The following CCDC146 variants were observed in gnomAD, a reference collection of about 807,000 sequenced individuals.
CCDC146 encodes the protein coiled-coil domain-containing protein 146.
Under a neutral mutation model 119.3 loss-of-function variants are expected in CCDC146, and 92 were observed. The observed-to-expected ratio is 0.77, with a 90% confidence interval of 0.65 to 0.92. The LOEUF (loss-of-function observed/expected upper bound fraction) is 0.92. Among genes scored for constraint, CCDC146 ranks in the 40% least tolerant of loss-of-function variants. The probability of loss-of-function intolerance (pLI) is 0.00; values close to 1 mark genes in which losing one functional copy is unlikely to be tolerated. For synonymous variants in CCDC146, 372 were observed against 371.8 expected (o/e 1.00, Z -0.01); for missense variants, 1,000 against 1,103.0 (o/e 0.91, Z 1.32).
intron 9 of CCDC146, among the ~76,000 whole-genome samples, chr7:77,266,170 A>G (rs1793399078): frequency 6.6e-6 from 1 of 152,222 alleles, no homozygotes. Flanking sequence ...CTTTCTAAAC[A>G]TAAGATCATG....
intron 18 of CCDC146, among the ~76,000 whole-genome samples, 200 bp from the exon 19 acceptor site, chr7:77,294,463 G>GGTAGGTGTGTGTGTGT (rs1554364032): frequency 8.2e-5 from 11 of 134,232 alleles, no homozygotes; most frequent in African/African-American, 2.8e-4. Context: ...ATGAGAGGTA[G>GGTAGGTGTGTGTGTGT]GTGTGTGTGT....
At chr7:77,202,820 G>T (rs1271551063) in intron 2 of CCDC146, among the ~76,000 whole-genome samples, 1 of 152,150 alleles carries the variant, frequency 6.6e-6, no homozygotes, top group Non-Finnish European at 1.5e-5. Context: ...ACAGTTTTCA[G>T]TTTCTGTTTT....
In CCDC146 at chr7:77,282,561, G is replaced by C. The variant is rs141323382; in HGVS notation, c.1924G>C (p.Val642Leu). 6.2e-7 allele frequency: 1 copy of C among 1,600,838 alleles called. No individual in the cohort carries two copies. The highest frequency in any genetic ancestry group is 8.5e-7 in the Non-Finnish European group (1 of 1,172,954). Residue 642 changes from valine (V) to leucine (L), a missense_variant, in exon 15 of 19, where the codon GTT (valine) becomes CTT (leucine). Val to Leu is a conservative substitution (Grantham distance 32, BLOSUM62 1). Transcript: ENST00000285871. ...KAVQHRNESGVQLIEREEEIC... is the reference protein window; with the variant it reads ...KAVQHRNESGLQLIEREEEIC... ...TGCCTCTGAATTTGACCATAGTGGCGTTCAGCTGATAGAGCGGGAAGAAGA... is the reference window on the plus strand; with the variant it reads ...TGCCTCTGAATTTGACCATAGTGGCCTTCAGCTGATAGAGCGGGAAGAAGA...
intron 4 of CCDC146, among the ~76,000 whole-genome samples, chr7:77,251,690 C>T (rs1462208484): frequency 1.3e-5 from 2 of 152,054 alleles, no homozygotes; most frequent in Non-Finnish European, 2.9e-5. Context: ...CCACAGGAGC[C>T]AAAATTCTGG....
rs139964075 is a variant in CCDC146, at chr7:77,134,416, A to C, written c.-12+11684A>C. 1.2e-3 allele frequency among the ~76,000 whole-genome samples: 184 copies of C among 152,344 alleles called. 4 individuals carry two copies. The highest frequency in any genetic ancestry group is 2.9e-3 in the African/African-American group (121 of 41,572). On this transcript the variant is annotated intron_variant, in intron 1 of 18. Coordinates refer to ENST00000285871, the MANE Select transcript of CCDC146 (RefSeq NM_020879.3). Reference sequence around the variant, plus strand: ...AATAAGAACAGCAAGGGCAATCAATAAAAAATAGTAACAAATATGATGGAT... The same window carrying C: ...AATAAGAACAGCAAGGGCAATCAATCAAAAATAGTAACAAATATGATGGAT...
intron 2 of CCDC146, among the ~76,000 whole-genome samples, chr7:77,213,151 C>A (rs117842122): frequency 6.6e-6 from 1 of 151,754 alleles, no homozygotes; most frequent in African/African-American, 2.4e-5. Flanking sequence ...AGTGCAGTGG[C>A]GCAATTACAG....
intron 7 of CCDC146, 51 bp downstream of exon 7, chr7:77,259,119 G>C (rs1261429306): frequency 9.4e-7 from 1 of 1,064,100 alleles, no homozygotes; most frequent in Non-Finnish European, 1.4e-6. Context: ...AGTTATGTGT[G>C]CACACTAGAA....
intron 4 of CCDC146, among the ~76,000 whole-genome samples, chr7:77,244,761 A>G (rs1792916154): frequency 6.6e-6 from 1 of 151,930 alleles, no homozygotes; most frequent in Non-Finnish European, 1.5e-5. Flanking sequence ...ATGACTGCAC[A>G]TGACACAGAA....
intron 14 of CCDC146, chr7:77,282,345 T>C: frequency 2.1e-6 from 1 of 475,140 alleles, no homozygotes; most frequent in South Asian, 4.0e-5. Context: ...ATGGTCAGCC[T>C]CAAAGTTGAG....
At chr7:77,176,840 A>T (rs1466328205) in intron 2 of CCDC146, among the ~76,000 whole-genome samples, 3 of 151,840 alleles carry the variant, frequency 2.0e-5, no homozygotes, top group Admixed American at 2.0e-4. Flanking sequence ...TTGGTTTTTT[A>T]AATAAATTTT....
intron 9 of CCDC146, among the ~76,000 whole-genome samples, chr7:77,270,663 T>G (rs1793493565): frequency 6.6e-6 from 1 of 152,138 alleles, no homozygotes; most frequent in Non-Finnish European, 1.5e-5. Context: ...TAATAGAAAC[T>G]CAACTATAAT....
chr7:77,185,202 G>T (rs541015829), intron 2 of CCDC146, among the ~76,000 whole-genome samples: 2 of 152,126 alleles, frequency 1.3e-5, no homozygotes, highest in Admixed American at 6.5e-5. Context: ...TCCAGCCCAT[G>T]GTTGGCACTC....
chr7:77,192,148 C>G (rs139895361), intron 2 of CCDC146, among the ~76,000 whole-genome samples: 1 of 151,934 alleles, frequency 6.6e-6, no homozygotes, highest in East Asian at 2.0e-4. Context: ...GCTGGTCTCA[C>G]GTGATCCGCC....
chr7:77,202,746 TC>T (rs531065086), intron 2 of CCDC146, among the ~76,000 whole-genome samples: 34 of 152,296 alleles, frequency 2.2e-4, no homozygotes, highest in Admixed American at 2.2e-3. Context: ...CTACGGTTCC[TC>T]CCTGCACTTG....
chr7:77,146,721 A>G (rs1333479016), intron 1 of CCDC146, among the ~76,000 whole-genome samples: 1 of 152,168 alleles, frequency 6.6e-6, no homozygotes, highest in Non-Finnish European at 1.5e-5. Flanking sequence ...TTTCTTTAAG[A>G]ATGTTGAATA....
intron 7 of CCDC146, 83 bp from the exon 8 acceptor site, chr7:77,259,926 T>G (rs1793255870): frequency 1.0e-6 from 1 of 961,572 alleles, no homozygotes; most frequent in Admixed American, 2.3e-5. Flanking sequence ...CAGCATGGCC[T>G]CAAAATAAGG....
chr7:77,141,857 TGTAG>T (rs1416160566), intron 1 of CCDC146, among the ~76,000 whole-genome samples: 1 of 152,212 alleles, frequency 6.6e-6, no homozygotes, highest in East Asian at 1.9e-4. Flanking sequence ...TCTCCCATTC[TGTAG>T]GTTGCCTGTT....
intron 6 of CCDC146, 48 bp downstream of exon 6, chr7:77,256,557 T>C: frequency 6.8e-7 from 1 of 1,473,146 alleles, no homozygotes; most frequent in Non-Finnish European, 9.3e-7. Context: ...TGCATGGATA[T>C]AAAAGTGTGT....
intron 1 of CCDC146, among the ~76,000 whole-genome samples, chr7:77,139,918 G>C (rs1415325798): frequency 2.8e-5 from 3 of 105,632 alleles, no homozygotes; most frequent in Non-Finnish European, 5.8e-5. Context: ...TTTTTTTTTT[G>C]AGACAGAGTC....
Sources: allele counts gnomAD v4.1 joint callset (sites outside exome capture counted in the v4.1 genomes callset), GRCh38; gene constraint gnomAD v4.1.1; transcripts MANE v1.5; gene names NCBI Gene and HGNC (gene_info 2026-07-23, HGNC 2026-07-21).